GPC6: variants seen among roughly 807,000 people sequenced by gnomAD.
GPC6 encodes the protein glypican-6.
Under a neutral mutation model 55.2 loss-of-function variants are expected in GPC6, and 14 were observed. That is an observed-to-expected ratio of 0.25 (90% CI 0.17 to 0.40). The LOEUF (loss-of-function observed/expected upper bound fraction) is 0.40. Ranked by LOEUF, GPC6 falls within the 10% of genes least tolerant of loss-of-function variation. The pLI is 1.00. For synonymous variants in GPC6, 278 were observed against 259.6 expected, an observed-to-expected ratio of 1.07 and a Z score of -0.68; for missense variants, 641 against 708.5, an observed-to-expected ratio of 0.90 and a Z score of 1.08.
intron 2 of GPC6, among the ~76,000 whole-genome samples, chr13:93,584,208 G>C (rs1877079860): frequency 6.6e-6 from 1 of 152,186 alleles, no homozygotes. Flanking sequence ...ATAGATCAAA[G>C]AGGGTGGTGT....
chr13:93,765,973 A>T (rs1885119088), intron 2 of GPC6, among the ~76,000 whole-genome samples: 1 of 152,208 alleles, frequency 6.6e-6, no homozygotes, highest in Non-Finnish European at 1.5e-5. Context: ...TACGTCAATG[A>T]CAAATGAGCC....
chr13:93,522,724 T>C (rs545745951), intron 1 of GPC6, among the ~76,000 whole-genome samples: 1 of 151,916 alleles, frequency 6.6e-6, no homozygotes, highest in Admixed American at 6.6e-5. Context: ...CACTGATTCC[T>C]TCCCGCTGCT....
intron 3 of GPC6, among the ~76,000 whole-genome samples, chr13:93,927,841 CAT>C (rs1432876026): frequency 6.6e-6 from 1 of 152,094 alleles, no homozygotes; most frequent in East Asian, 1.9e-4. Flanking sequence ...AAACCATTAG[CAT>C]ATTTTTTCTT....
chr13:93,535,723 T>A (rs1027655669), intron 1 of GPC6, among the ~76,000 whole-genome samples: 2 of 151,570 alleles, frequency 1.3e-5, no homozygotes, highest in Non-Finnish European at 2.9e-5. Flanking sequence ...TGATTTTCCT[T>A]AGCTTCTCTG....
chr13:94,188,642 C>T (rs1339930769), intron 4 of GPC6, among the ~76,000 whole-genome samples: 51 of 152,162 alleles, frequency 3.4e-4, no homozygotes, highest in Admixed American at 3.3e-3. Context: ...TGAGGTGTCA[C>T]CAGATCCCTT....
intron 4 of GPC6, among the ~76,000 whole-genome samples, chr13:94,073,078 A>G (rs1318027255): frequency 6.6e-6 from 1 of 152,150 alleles, no homozygotes; most frequent in Admixed American, 6.5e-5. Flanking sequence ...GTCTACACCT[A>G]ATCATTTTCC....
At position 93,903,046 on chromosome 13, in the gene GPC6, C is replaced by T. The variant is rs139251885; in HGVS notation, c.711+72501C>T. The stretch of plus-strand genomic sequence containing the variant: ...ATTCACACAGGTAGACCCCATCTCT[C>T]ACCATATACAAAAATCAACGCATAA... On this transcript the variant is annotated intron_variant, in intron 3 of 8. Transcript: ENST00000377047. 4.3e-3 allele frequency among the ~76,000 whole-genome samples: 657 copies of T among 152,250 alleles called. 5 individuals carry two copies. Among genetic ancestry groups the T allele is most frequent in the African/African-American group, 0.014 (576 of 41,550 alleles).
At chr13:94,401,927 ATGAT>A (rs60321246) in intron 8 of GPC6, among the ~76,000 whole-genome samples, 4 of 150,344 alleles carry the variant, frequency 2.7e-5, no homozygotes, top group South Asian at 2.1e-4. Context: ...GCCAGACCCT[ATGAT>A]TGATTGATTG....
At chr13:93,431,978 T>C (rs942094845) in intron 1 of GPC6, among the ~76,000 whole-genome samples, 1 of 152,066 alleles carries the variant, frequency 6.6e-6, no homozygotes, top group Non-Finnish European at 1.5e-5. Flanking sequence ...ATTATGGGAG[T>C]CCAGAGTTCT....
At chr13:93,403,942 A>G (rs1420990748) in intron 1 of GPC6, among the ~76,000 whole-genome samples, 1 of 152,174 alleles carries the variant, frequency 6.6e-6, no homozygotes, top group Non-Finnish European at 1.5e-5. Context: ...GATTTATTAT[A>G]GAATAAAGAT....
intron 1 of GPC6, among the ~76,000 whole-genome samples, chr13:93,321,453 T>C (rs1367419628): frequency 6.6e-6 from 1 of 152,186 alleles, no homozygotes; most frequent in East Asian, 1.9e-4. Context: ...TCTTATCTCG[T>C]GCTGTATATA....
At chr13:93,649,726 T>TA (rs1470309123) in intron 2 of GPC6, among the ~76,000 whole-genome samples, 5 of 152,268 alleles carry the variant, frequency 3.3e-5, no homozygotes, top group African/African-American at 9.6e-5. Context: ...GTACCACATA[T>TA]GTACATAAAG....
intron 2 of GPC6, among the ~76,000 whole-genome samples, chr13:93,612,148 C>T (rs973137644): frequency 3.9e-5 from 6 of 152,054 alleles, no homozygotes; most frequent in East Asian, 1.9e-4. Context: ...TGGTTTACGG[C>T]GTAAAGTGAA....
chr13:94,331,470 A>G (rs906055501), intron 6 of GPC6, among the ~76,000 whole-genome samples: 3 of 151,946 alleles, frequency 2.0e-5, no homozygotes, highest in Admixed American at 6.6e-5. Flanking sequence ...CCCAGTGTAC[A>G]CCCCTAATCC....
At chr13:94,184,765 A>T (rs931191758) in intron 4 of GPC6, among the ~76,000 whole-genome samples, 3 of 152,202 alleles carry the variant, frequency 2.0e-5, no homozygotes, top group African/African-American at 7.2e-5. Context: ...CAGAACTACC[A>T]TTTGACCCAG....
chr13:94,060,186 A>C (rs1207894226), intron 4 of GPC6, among the ~76,000 whole-genome samples: 6 of 152,176 alleles, frequency 3.9e-5, no homozygotes, highest in Non-Finnish European at 8.8e-5. Context: ...TACCTAGTTA[A>C]AATTGCAATC....
intron 2 of GPC6, among the ~76,000 whole-genome samples, chr13:93,696,946 T>C (rs1882480241): frequency 6.6e-6 from 1 of 152,088 alleles, no homozygotes; most frequent in Non-Finnish European, 1.5e-5. Context: ...TTAAATGATA[T>C]TTTAAAGCTG....
At chr13:94,012,248 T>A (rs999365382) in intron 3 of GPC6, among the ~76,000 whole-genome samples, 5 of 152,192 alleles carry the variant, frequency 3.3e-5, no homozygotes, top group Admixed American at 1.3e-4. Flanking sequence ...CCCTCTGATA[T>A]TTCTCTTATT....
intron 2 of GPC6, among the ~76,000 whole-genome samples, chr13:93,782,093 C>T (rs142314217): frequency 1.6e-3 from 241 of 152,274 alleles, no homozygotes; most frequent in African/African-American, 5.6e-3. Context: ...CCAATCCCCA[C>T]ACCCTCTAGC....
Sources: gnomAD v4.1 joint callset for allele counts (sites outside exome capture counted in the v4.1 genomes callset) on GRCh38, gnomAD v4.1.1 for gene constraint, MANE v1.5 for transcripts, NCBI Gene and HGNC (gene_info 2026-07-23, HGNC 2026-07-21) for gene names.